The following PXMP2 variants were observed in gnomAD, a reference collection of about 807,000 sequenced individuals.
PXMP2 encodes the protein 22 kDa peroxisomal membrane protein.
In PXMP2, 13 loss-of-function variants were observed where a neutral mutation model predicts 20.2. The ratio of observed to expected loss-of-function variants is 0.64; its 90% confidence interval spans 0.42 to 1.02. The LOEUF (loss-of-function observed/expected upper bound fraction) is 1.02. Ranked by LOEUF, PXMP2 falls within the 50% of genes least tolerant of loss-of-function variation. PXMP2 has a pLI of 0.00. For missense variants in PXMP2, 284 were observed against 251.8 expected (o/e 1.13, Z -0.87); for synonymous variants, 113 against 111.2 (o/e 1.02, Z -0.10).
In PXMP2 at chr12:132,701,387, C is replaced by A. The variant is rs764759204; in HGVS notation, c.519+18C>A. The A allele has an allele frequency of 6.2e-7, 1 of 1,611,388 alleles. No homozygotes were observed. Among genetic ancestry groups the A allele is most frequent in the Non-Finnish European group, 8.5e-7 (1 of 1,179,598 alleles). On this transcript the variant is annotated intron_variant, in intron 4 of 4. Transcript: ENST00000317479. The stretch of plus-strand genomic sequence containing the variant: ...CTCTGAAGGTGAGGGCCACGGGGCT[C>A]AGCCTCTGCTAACATTACTTTGTCA...
chr12:132,703,234 A>G (rs528483335), intron 4 of PXMP2, among the ~76,000 whole-genome samples: 1 of 152,304 alleles, frequency 6.6e-6, no homozygotes, highest in Admixed American at 6.5e-5. Context: ...GGAGTTTGAG[A>G]CCAGTCTGGG....
In PXMP2 at chr12:132,690,326, A is replaced by G; in HGVS notation, c.186A>G (p.Glu62=). 2 of 1,614,094 alleles carry G rather than the reference A, an allele frequency of 1.2e-6. No homozygotes were observed. The highest frequency in any genetic ancestry group is 1.7e-5 in the Admixed American group (1 of 60,022). Reference sequence around the variant, plus strand: ...TGATTGAGAAGAAGCGGAAAAAAGAAAACTCTAGAAGTCTGGATGTCGGTG... The same window carrying G: ...TGATTGAGAAGAAGCGGAAAAAAGAGAACTCTAGAAGTCTGGATGTCGGTG... ...AQMIEKKRKK[E]NSRSLDVGGP... Residue 62 remains glutamate (E), a synonymous_variant, in exon 2 of 5, where the codon GAA becomes GAG. Transcript: ENST00000317479.
At chr12:132,691,364 T>C (rs912057826) in intron 2 of PXMP2, among the ~76,000 whole-genome samples, 1 of 152,206 alleles carries the variant, frequency 6.6e-6, no homozygotes, top group African/African-American at 2.4e-5. Context: ...GTTATTTTCA[T>C]AGTGTAAACA....
intron 4 of PXMP2, among the ~76,000 whole-genome samples, chr12:132,704,289 T>A (rs1475189364): frequency 1.3e-5 from 2 of 152,096 alleles, no homozygotes; most frequent in Non-Finnish European, 2.9e-5. Context: ...GCCACCTGCA[T>A]GATGGCTGGT....
At chr12:132,698,308 C>T (rs756881130) in intron 3 of PXMP2, among the ~76,000 whole-genome samples, 2 of 152,226 alleles carry the variant, frequency 1.3e-5, no homozygotes, top group Non-Finnish European at 1.5e-5. Context: ...CTGCACCTGG[C>T]GTCACCTTCT....
intron 3 of PXMP2, among the ~76,000 whole-genome samples, chr12:132,698,691 A>G (rs186201453): frequency 7.8e-4 from 119 of 152,158 alleles, no homozygotes; most frequent in Non-Finnish European, 1.5e-3. Context: ...TGGTGGCACA[A>G]TATCGGCTCA....
At chr12:132,691,550 CT>C (rs1342442264) in intron 2 of PXMP2, among the ~76,000 whole-genome samples, 1 of 152,118 alleles carries the variant, frequency 6.6e-6, no homozygotes, top group East Asian at 1.9e-4. Flanking sequence ...TTCAGAATTC[CT>C]GAAGATCATT....
At chr12:132,698,595 C>G (rs2043422640) in intron 3 of PXMP2, among the ~76,000 whole-genome samples, 1 of 152,192 alleles carries the variant, frequency 6.6e-6, no homozygotes, top group Non-Finnish European at 1.5e-5. Context: ...TCCATCTGTA[C>G]AGGCAATTAT....
chr12:132,692,629 A>ATAGTGAGCGCCCTTAGCCAGTTAGT (rs1565990593), intron 2 of PXMP2, among the ~76,000 whole-genome samples: 32 of 70,232 alleles, frequency 4.6e-4, no homozygotes, highest in African/African-American at 1.6e-3. Context: ...AGCCAGTTAG[A>ATAGTGAGCGCCCTTAGCCAGTTAGT]TAGTGAGCGC....
At chr12:132,703,324 G>A (rs762468776) in intron 4 of PXMP2, among the ~76,000 whole-genome samples, 5 of 152,184 alleles carry the variant, frequency 3.3e-5, no homozygotes, top group Non-Finnish European at 7.3e-5. Context: ...GATGGAAGAA[G>A]GCTGGGTGGC....
rs970416293 is a variant in PXMP2 at position 132,696,725 on chromosome 12, G to A, written c.399+679G>A. Reference sequence around the variant, plus strand: ...TGAGGCAGGAGAATGGCGTGAACCCGGGAGGTGGAGCTTGCCGTGAGCCGA... The same window carrying A: ...TGAGGCAGGAGAATGGCGTGAACCCAGGAGGTGGAGCTTGCCGTGAGCCGA... On this transcript the variant is annotated intron_variant, in intron 3 of 4. Coordinates refer to ENST00000317479, the MANE Select transcript of PXMP2 (RefSeq NM_018663.3). The surrounding 1 kb of genome is among the most constrained non-coding windows in gnomAD (Gnocchi z 4.4). Among the ~76,000 whole-genome samples the A allele has an allele frequency of 9.9e-5, 15 of 152,098 alleles. No individual in the cohort carries two copies. Among genetic ancestry groups the A allele is most frequent in the African/African-American group, 3.4e-4 (14 of 41,410 alleles).
At chr12:132,687,822 C>G in intron 1 of PXMP2, 30 bp downstream of exon 1, 2 of 1,130,274 alleles carry the variant, frequency 1.8e-6, no homozygotes, top group Non-Finnish European at 2.2e-6. Flanking sequence ...TCGGACGCCG[C>G]CCCGGCCCCA....
chr12:132,688,056 A>G, intron 1 of PXMP2: 1 of 207,728 alleles, frequency 4.8e-6, no homozygotes, highest in Non-Finnish European at 9.0e-6. Flanking sequence ...CTGAGGTTCC[A>G]CCCAAGGACC....
intron 1 of PXMP2, chr12:132,688,105 G>T (rs1003924715): frequency 4.9e-5 from 10 of 203,970 alleles, no homozygotes; most frequent in Non-Finnish European, 8.9e-5. Context: ...CCACGGCAAG[G>T]GGAGCGGGTC....
At chr12:132,689,317 G>GA (rs1317740324) in intron 1 of PXMP2, among the ~76,000 whole-genome samples, 5 of 152,194 alleles carry the variant, frequency 3.3e-5, no homozygotes, top group Non-Finnish European at 7.4e-5. Context: ...CGCGGGTGGA[G>GA]ACACGGCCAG....
Position 132,697,366 on chromosome 12 carries a change from A to G in PXMP2, c.399+1320A>G, listed in dbSNP as rs1374504908. ...CTGAATATTTTGATAACTGTATTTC[A>G]GTATTATTGGTTCCTTTGTAGTCCT... On this transcript the variant is annotated intron_variant, in intron 3 of 4. Transcript: ENST00000317479. Among the ~76,000 whole-genome samples, 7 of 151,816 alleles carry G rather than the reference A, an allele frequency of 4.6e-5. No individual in the cohort carries two copies. In the South Asian group the frequency reaches 1.0e-3, roughly 23 times the overall value.
Position 132,687,657 on chromosome 12 carries a change from G to A in PXMP2, c.-14G>A. On this transcript the variant is annotated 5_prime_UTR_variant, in exon 1 of 5. Transcript: ENST00000317479. ...TGGGGTCGGTGCCCCCGGCGGCACG[G>A]CGCTGGGGAGGCGATGGCGCCGGCC... is the stretch of plus-strand genomic sequence containing the variant. 8.6e-7 allele frequency: 1 copy of A among 1,167,194 alleles called. No homozygotes were observed. Among genetic ancestry groups the A allele is most frequent in the South Asian group, 4.0e-5 (1 of 24,762 alleles). 72.3% of individuals were successfully genotyped at this position (1,167,194 alleles called of 1,614,324 possible). A position where few individuals can be genotyped will look rare whatever the true frequency, so the allele number is the denominator to read the frequency against.
rs928868655 is a variant in PXMP2, at chr12:132,699,214, C to T, written c.400-2036C>T. Among the ~76,000 whole-genome samples, 8 of 152,030 alleles carry T rather than the reference C, an allele frequency of 5.3e-5. No individual in the cohort carries two copies. The East Asian group carries it at 1.2e-3, about 22-fold the overall frequency. ...GGAAGGTCACTTGAACCCAGGATGT[C>T]GAGACCAGCCTGGGCAACAGAGTGA... is the stretch of plus-strand genomic sequence containing the variant. On this transcript the variant is annotated intron_variant, in intron 3 of 4. Coordinates refer to ENST00000317479, the MANE Select transcript of PXMP2 (RefSeq NM_018663.3).
At chr12:132,694,520 G>A (rs1246047605) in intron 2 of PXMP2, among the ~76,000 whole-genome samples, 7 of 80,030 alleles carry the variant, frequency 8.7e-5, no homozygotes, top group Admixed American at 2.6e-4. Flanking sequence ...TTAAGTGAGC[G>A]CCCTTAGCCA....
Sources: allele counts gnomAD v4.1 joint callset (sites outside exome capture counted in the v4.1 genomes callset), GRCh38; gene constraint gnomAD v4.1.1; non-coding constraint Gnocchi (gnomAD v3.1); transcripts MANE v1.5; gene names NCBI Gene and HGNC (gene_info 2026-07-23, HGNC 2026-07-21).